SUCLG2: variants seen among roughly 807,000 people sequenced by gnomAD.
SUCLG2 encodes the protein succinate--CoA ligase [GDP-forming] subunit beta, mitochondrial.
SUCLG2 carries 42 observed loss-of-function variants against 47.9 expected under a neutral mutation model. The ratio of observed to expected loss-of-function variants is 0.88; its 90% CI spans 0.69 to 1.14. SUCLG2 has a LOEUF of 1.14. Among genes scored for constraint, SUCLG2 ranks in the 50% most tolerant of loss-of-function variants. The pLI, the probability that SUCLG2 is intolerant of heterozygous loss-of-function variation, is 0.00. For missense variants in SUCLG2, 571 were observed against 525.9 expected, an observed-to-expected ratio of 1.09 and a Z score of -0.84; for synonymous variants, 195 against 197.3, an observed-to-expected ratio of 0.99 and a Z score of 0.10.
chr3:67,460,873 T>C (rs953475479), intron 9 of SUCLG2, among the ~76,000 whole-genome samples: 25 of 152,110 alleles, frequency 1.6e-4, no homozygotes, highest in Non-Finnish European at 2.4e-4. Flanking sequence ...GGAGAAAATA[T>C]AGGCAATGCA....
intron 9 of SUCLG2, among the ~76,000 whole-genome samples, chr3:67,436,904 C>G (rs1443570988): frequency 6.6e-6 from 1 of 152,074 alleles, no homozygotes; most frequent in Admixed American, 6.6e-5. Context: ...CCTACATGTA[C>G]TTTGTCCTTT....
At chr3:67,520,666 C>T (rs772311417) in intron 4 of SUCLG2, 32 bp from the exon 5 acceptor site, 7 of 1,576,240 alleles carry the variant, frequency 4.4e-6, no homozygotes, top group Non-Finnish European at 5.2e-6. Flanking sequence ...CAAATTAATT[C>T]AGCATTAAGC....
intron 9 of SUCLG2, chr3:67,408,732 G>T: frequency 2.3e-6 from 3 of 1,317,820 alleles, no homozygotes; most frequent in Non-Finnish European, 2.9e-6. Flanking sequence ...GGAGGATTAA[G>T]GTTTATTGAG....
At chr3:67,627,401 T>G (rs577662733) in intron 1 of SUCLG2, among the ~76,000 whole-genome samples, 3 of 152,194 alleles carry the variant, frequency 2.0e-5, no homozygotes, top group Admixed American at 2.0e-4. Flanking sequence ...TACTTGGATA[T>G]TTCACAATTA....
intron 9 of SUCLG2, among the ~76,000 whole-genome samples, chr3:67,446,689 C>A (rs909208882): frequency 6.6e-6 from 1 of 151,680 alleles, no homozygotes; most frequent in Non-Finnish European, 1.5e-5. Flanking sequence ...GCCTCGGCCT[C>A]CCAAAGTGCC....
intron 1 of SUCLG2, among the ~76,000 whole-genome samples, chr3:67,629,774 AT>A (rs1438951034): frequency 6.6e-6 from 1 of 152,200 alleles, no homozygotes; most frequent in Non-Finnish European, 1.5e-5. Context: ...AAACCCAGGT[AT>A]GGCTGAAAGG....
At chr3:67,503,455 T>C (rs1705554987) in intron 7 of SUCLG2, among the ~76,000 whole-genome samples, 2 of 152,338 alleles carry the variant, frequency 1.3e-5, no homozygotes, top group South Asian at 2.1e-4. Context: ...ACTTCTTGAA[T>C]TGACGTGTTA....
chr3:67,437,181 G>T (rs531565891), intron 9 of SUCLG2, among the ~76,000 whole-genome samples: 2 of 152,212 alleles, frequency 1.3e-5, no homozygotes, highest in South Asian at 2.1e-4. Context: ...CCCCAAGACT[G>T]AAGCTTCAGT....
chr3:67,616,146 A>G (rs1700624594), intron 1 of SUCLG2, among the ~76,000 whole-genome samples: 1 of 152,142 alleles, frequency 6.6e-6, no homozygotes, highest in African/African-American at 2.4e-5. Flanking sequence ...ATCACAGGTG[A>G]GATTAGGCTG....
chr3:67,377,496 C>G (rs74461114), intron 10 of SUCLG2, among the ~76,000 whole-genome samples: 23,111 of 152,166 alleles, frequency 0.15, 1,907 homozygotes, highest in Middle Eastern at 0.23. Context: ...CCCTGCATCT[C>G]GAAGGGGACA....
At chr3:67,634,004 T>G (rs1207776511) in intron 1 of SUCLG2, among the ~76,000 whole-genome samples, 2 of 152,212 alleles carry the variant, frequency 1.3e-5, no homozygotes, top group Admixed American at 6.5e-5. Flanking sequence ...TTTATAACCA[T>G]GGTGTTCAGA....
In SUCLG2 at chr3:67,430,606, C is replaced by T. The variant is rs533117441; in HGVS notation, c.1063-29755G>A. ...AGGCAAGAAATAACTAAGATCAGAG[C>T]AGAACTGAAGGACATAGAGACACAA... On this transcript the variant is annotated intron_variant, in intron 9 of 10. Transcript: ENST00000307227. Among the ~76,000 whole-genome samples the T allele has an allele frequency of 3.9e-4, 60 of 152,144 alleles. No homozygotes were observed. In the South Asian group the frequency reaches 7.9e-3, roughly 20 times the overall value.
chr3:67,548,417 A>AT (rs1476422833), intron 2 of SUCLG2, among the ~76,000 whole-genome samples: 3 of 152,150 alleles, frequency 2.0e-5, no homozygotes, highest in Non-Finnish European at 2.9e-5. Context: ...AACCCATCTT[A>AT]TTTTTTCATG....
chr3:67,400,287 TAA>T (rs975041624), intron 10 of SUCLG2, among the ~76,000 whole-genome samples: 7 of 151,918 alleles, frequency 4.6e-5, no homozygotes, highest in Admixed American at 3.9e-4. Flanking sequence ...AATTATTTTT[TAA>T]GAGTTATTTT....
At chr3:67,415,649 C>G (rs72626931) in intron 9 of SUCLG2, among the ~76,000 whole-genome samples, 16,197 of 152,258 alleles carry the variant, frequency 0.11, 1,114 homozygotes, top group East Asian at 0.2. Flanking sequence ...TGGCTGAAAT[C>G]CTTGGCATAG....
At chr3:67,441,547 T>C (rs994036464) in intron 9 of SUCLG2, among the ~76,000 whole-genome samples, 1 of 152,174 alleles carries the variant, frequency 6.6e-6, no homozygotes, top group Non-Finnish European at 1.5e-5. Flanking sequence ...TGTAACCTCA[T>C]GGGAGACCCC....
At chr3:67,415,868 T>C (rs1042305025) in intron 9 of SUCLG2, among the ~76,000 whole-genome samples, 2 of 152,202 alleles carry the variant, frequency 1.3e-5, no homozygotes, top group African/African-American at 2.4e-5. Flanking sequence ...ATGGTACACA[T>C]GACAGTGTGC....
chr3:67,407,601 G>A (rs892881554), intron 9 of SUCLG2, among the ~76,000 whole-genome samples: 1 of 152,194 alleles, frequency 6.6e-6, no homozygotes, highest in African/African-American at 2.4e-5. Context: ...GTTAAGTACT[G>A]CATTGTATTT....
chr3:67,636,805 T>TTA (rs1701018964), intron 1 of SUCLG2, among the ~76,000 whole-genome samples: 1 of 119,744 alleles, frequency 8.4e-6, no homozygotes, highest in African/African-American at 5.5e-5. Context: ...TGGCAGTATC[T>TTA]TTTTTTTTTT....
Sources: allele counts gnomAD v4.1 joint callset (sites outside exome capture counted in the v4.1 genomes callset), GRCh38; gene constraint gnomAD v4.1.1; transcripts MANE v1.5; gene names NCBI Gene and HGNC (gene_info 2026-07-23, HGNC 2026-07-21).